The following LTA variants were observed in gnomAD, a reference collection of about 807,000 sequenced individuals.
LTA encodes the protein lymphotoxin-alpha.
LTA carries 6 observed loss-of-function variants against 15.1 expected under a neutral mutation model. That is an observed-to-expected ratio of 0.40 (90% CI 0.22 to 0.78). The LOEUF (loss-of-function observed/expected upper bound fraction) is 0.78. Among genes scored for constraint, LTA ranks in the 30% least tolerant of loss-of-function variants. The pLI is 0.38. For synonymous variants in LTA, 87 were observed against 107.3 expected (o/e 0.81, Z 1.17); for missense variants, 173 against 249.5 (o/e 0.69, Z 2.06).
At chr6:31,572,476 C>A in intron 1 of LTA, 30 bp downstream of exon 1, 1 of 568,612 alleles carries the variant, frequency 1.8e-6, no homozygotes, top group Non-Finnish European at 3.1e-6. Context: ...CCTTCTCTGT[C>A]TCTGACTCTC....
the LTA span, among the ~76,000 whole-genome samples, chr6:31,563,296 A>G: frequency 6.6e-6 from 1 of 152,180 alleles, no homozygotes; most frequent in African/African-American, 2.4e-5. Context: ...GTGAGTCAGT[A>G]TGTAAGGAAA....
the LTA span, among the ~76,000 whole-genome samples, chr6:31,566,814 C>T: frequency 6.6e-6 from 1 of 151,838 alleles, no homozygotes. Context: ...GTGGCATGCA[C>T]CTATAATCCC....
the LTA span, among the ~76,000 whole-genome samples, chr6:31,560,769 G>A: frequency 6.6e-6 from 1 of 152,182 alleles, no homozygotes; most frequent in Non-Finnish European, 1.5e-5. Flanking sequence ...GAGGACTCAG[G>A]TTGGGGCAGG....
rs1428078404 is a variant in LTA at position 31,573,649 on chromosome 6, G to A, written c.574G>A (p.Val192Ile). Residue 192 changes from valine to isoleucine, a missense_variant, in exon 4 of 4, where the codon GTC (valine) becomes ATC (isoleucine). Coordinates refer to ENST00000418386, the MANE Select transcript of LTA (RefSeq NM_000595.4). Reference protein sequence around the residue: ...STHTDGIPHLVLSPSTVFFGA... With the variant: ...STHTDGIPHLILSPSTVFFGA... ...CCACACAGATGGCATCCCCCACCTA[G>A]TCCTCAGCCCTAGTACTGTCTTCTT... 6.2e-7 allele frequency: 1 copy of A among 1,613,632 alleles called. No homozygotes were observed. The highest frequency in any genetic ancestry group is 1.3e-5 in the African/African-American group (1 of 74,902).
At chr6:31,563,052 C>T in the LTA span, among the ~76,000 whole-genome samples, 1 of 151,802 alleles carries the variant, frequency 6.6e-6, no homozygotes, top group Non-Finnish European at 1.5e-5. Flanking sequence ...CCCAGCTACT[C>T]AGGAGGCTGA....
At chr6:31,561,691 CAAAAA>C in the LTA span, among the ~76,000 whole-genome samples, 1 of 133,410 alleles carries the variant, frequency 7.5e-6, no homozygotes, top group African/African-American at 2.8e-5. Context: ...ACTCTGTATC[CAAAAA>C]AAAAAAAAAT....
Position 31,573,770 on chromosome 6 carries a change from C to T in LTA, c.*77C>T, listed in dbSNP as rs1770997970. On this transcript the variant is annotated 3_prime_UTR_variant, in exon 4 of 4. Transcript: ENST00000418386. ...CATTCTGCCTCCATTCTGACCATTT[C>T]AGGGGTCGTCACCACCTCTCCTTTG... The T allele has an allele frequency of 1.3e-6, 2 of 1,535,724 alleles. No individual in the cohort carries two copies. Among genetic ancestry groups the T allele is most frequent in the Non-Finnish European group, 9.0e-7 (1 of 1,116,900 alleles).
chr6:31,561,962 T>G, the LTA span, among the ~76,000 whole-genome samples: 1 of 151,876 alleles, frequency 6.6e-6, no homozygotes, highest in Non-Finnish European at 1.5e-5. Flanking sequence ...AGGAACAGAT[T>G]TGGGCATCAT....
Position 31,573,496 on chromosome 6 carries a change from C to A in LTA, c.421C>A (p.Gln141Lys). Residue 141 changes from glutamine to lysine, a missense_variant, in exon 4 of 4, where the codon CAG becomes AAG. Gln to Lys is a moderately conservative substitution (Grantham distance 53). Transcript: ENST00000418386. ...CCATGAGGTCCAGCTCTTCTCCTCCCAGTACCCCTTCCATGTGCCTCTCCT... is the reference window on the plus strand; with the variant it reads ...CCATGAGGTCCAGCTCTTCTCCTCCAAGTACCCCTTCCATGTGCCTCTCCT... ...LAHEVQLFSS[Q>K]YPFHVPLLSS... 6.2e-7 allele frequency: 1 copy of A among 1,614,128 alleles called. No individual in the cohort carries two copies. Among genetic ancestry groups the A allele is most frequent in the Non-Finnish European group, 8.5e-7 (1 of 1,179,992 alleles).
At position 31,573,565 on chromosome 6, in the gene LTA, C is replaced by G; in HGVS notation, c.490C>G (p.Leu164Val). ...GTATCCAGGGCTGCAGGAACCCTGG[C>G]TGCACTCGATGTACCACGGGGCTGC... is the stretch of plus-strand genomic sequence containing the variant. ...MVYPGLQEPWLHSMYHGAAFQ... is the reference protein window; with the variant it reads ...MVYPGLQEPWVHSMYHGAAFQ... The change falls in exon 4 of 4, where the codon CTG (leucine) becomes GTG (valine). Residue 164 changes from leucine (L) to valine (V), a missense_variant. By Grantham distance (32) the Leu-to-Val change is conservative. Transcript: ENST00000418386. 1 of 1,614,166 alleles carries G rather than the reference C, an allele frequency of 6.2e-7. No individual in the cohort carries two copies. The highest frequency in any genetic ancestry group is 2.2e-5 in the East Asian group (1 of 44,888).
chr6:31,565,637 C>A, the LTA span, among the ~76,000 whole-genome samples: 2 of 152,168 alleles, frequency 1.3e-5, no homozygotes, highest in Non-Finnish European at 2.9e-5. Flanking sequence ...CTTAGACTTA[C>A]CACACCCAAA....
At chr6:31,561,249 G>A in the LTA span, among the ~76,000 whole-genome samples, 4 of 152,184 alleles carry the variant, frequency 2.6e-5, no homozygotes, top group Non-Finnish European at 5.9e-5. Flanking sequence ...TCCAGGTGAC[G>A]ATGAAAAAGA....
At chr6:31,571,061 CTTTTTT>C (rs9279358), upstream of LTA, among the ~76,000 whole-genome samples, 1 of 134,210 alleles carries the variant, frequency 7.5e-6, no homozygotes, top group Non-Finnish European at 1.6e-5. Flanking sequence ...ATTTTGGAAA[CTTTTTT>C]TTTTTTTTTT....
rs1428078404 is a variant in LTA, at chr6:31,573,649, G to C, written c.574G>C (p.Val192Leu). The change falls in exon 4 of 4, where the codon GTC becomes CTC. Residue 192 changes from valine (V) to leucine (L), a missense_variant. Physicochemically the swap from Val to Leu is conservative, Grantham distance 32. Coordinates refer to ENST00000418386, the MANE Select transcript of LTA (RefSeq NM_000595.4). ...CCACACAGATGGCATCCCCCACCTA[G>C]TCCTCAGCCCTAGTACTGTCTTCTT... ...STHTDGIPHL[V>L]LSPSTVFFGA... is the part of the protein sequence containing the mutation. 4 of 1,613,632 alleles carry C rather than the reference G, an allele frequency of 2.5e-6. No individual in the cohort carries two copies. Among genetic ancestry groups the C allele is most frequent in the Non-Finnish European group, 3.4e-6 (4 of 1,179,806 alleles).
chr6:31,569,539 T>C (rs1321034581), upstream of LTA, among the ~76,000 whole-genome samples: 1 of 152,132 alleles, frequency 6.6e-6, no homozygotes, highest in Non-Finnish European at 1.5e-5. Context: ...ACGCCCATAA[T>C]CCCAGCACTT....
the LTA span, among the ~76,000 whole-genome samples, chr6:31,561,149 A>T: frequency 6.6e-6 from 1 of 152,122 alleles, no homozygotes; most frequent in Non-Finnish European, 1.5e-5. Flanking sequence ...GTCCTGAGGG[A>T]GAAGAAGCAC....
At chr6:31,563,109 G>A in the LTA span, among the ~76,000 whole-genome samples, 21 of 152,156 alleles carry the variant, frequency 1.4e-4, no homozygotes, top group African/African-American at 4.3e-4. Flanking sequence ...GCAGTGAGCC[G>A]AGATCGCGCC....
chr6:31,562,764 G>T, the LTA span, among the ~76,000 whole-genome samples: 1 of 150,370 alleles, frequency 6.7e-6, no homozygotes, highest in Non-Finnish European at 1.5e-5. Flanking sequence ...ATTCACTGAG[G>T]TGGGAGAATC....
chr6:31,562,256 G>C, the LTA span, among the ~76,000 whole-genome samples: 1 of 152,058 alleles, frequency 6.6e-6, no homozygotes, highest in Non-Finnish European at 1.5e-5. Context: ...TTTAATAGAG[G>C]GGCAGAAATC....
Sources: allele counts gnomAD v4.1 joint callset (sites outside exome capture counted in the v4.1 genomes callset), GRCh38; gene constraint gnomAD v4.1.1; transcripts MANE v1.5; gene names NCBI Gene and HGNC (gene_info 2026-07-23, HGNC 2026-07-21).